TEAD2: variants seen among roughly 807,000 people sequenced by gnomAD.
TEAD2 encodes the protein transcriptional enhancer factor TEF-4.
TEAD2 carries 51 observed loss-of-function variants against 61.4 expected under a neutral mutation model. The ratio of observed to expected loss-of-function variants is 0.83; its 90% CI spans 0.66 to 1.05. The LOEUF (loss-of-function observed/expected upper bound fraction) is 1.05. Ranked by LOEUF, TEAD2 falls within the 50% of genes least tolerant of loss-of-function variation. The pLI, the probability that TEAD2 is intolerant of heterozygous loss-of-function variation, is 0.00. For synonymous variants in TEAD2, 244 were observed against 243.2 expected (o/e 1.00, Z -0.03); for missense variants, 509 against 600.0 (o/e 0.85, Z 1.58).
intron 4 of TEAD2, among the ~76,000 whole-genome samples, chr19:49,357,008 C>G (rs1568577372): frequency 6.6e-6 from 1 of 151,568 alleles, no homozygotes; most frequent in Admixed American, 6.6e-5. Flanking sequence ...CTGTCCCTCT[C>G]TCTCTGGGTC....
Position 49,340,773 on chromosome 19 carries a change from G to T in TEAD2, c.*551C>A. ...CCTAGCACCCACTTATAAATATCTC[G>T]TTATATTAAAAAAAAAAAAAATGTC... On this transcript the variant is annotated 3_prime_UTR_variant, in exon 13 of 13. Transcript: ENST00000593945. The T allele has an allele frequency of 5.4e-6, 1 of 185,650 alleles. No individual in the cohort carries two copies. Among genetic ancestry groups the T allele is most frequent in the Non-Finnish European group, 1.1e-5 (1 of 92,066 alleles). 11.5% of individuals were successfully genotyped at this position (185,650 alleles called of 1,614,324 possible).
chr19:49,360,432 G>T, intron 1 of TEAD2: 1 of 316,904 alleles, frequency 3.2e-6, no homozygotes, highest in Non-Finnish European at 5.8e-6. Flanking sequence ...GTCTGAGGGA[G>T]GAGAAGGAGC....
rs141816524 is a variant in TEAD2 at position 49,347,307 on chromosome 19, C to T, written c.804G>A (p.Pro268=). Residue 268 remains proline, a synonymous_variant, in exon 10 of 13, where the codon CCG becomes CCA. Transcript: ENST00000593945. ...ISQHCPSPGA[P]PLESVDVRQI... is the part of the protein sequence containing the mutation. ...GCCGGACGTCCACACTCTCGAGCGG[C>T]GGCGCTCCGGGGCTGGGGCAGTGCT... 58 of 1,613,520 alleles carry T rather than the reference C, an allele frequency of 3.6e-5. No homozygotes were observed. The African/African-American group carries it at 4.8e-4, about 13-fold the overall frequency.
At chr19:49,344,343 C>T (rs990929263) in intron 10 of TEAD2, among the ~76,000 whole-genome samples, 3 of 151,638 alleles carry the variant, frequency 2.0e-5, no homozygotes, top group Non-Finnish European at 4.4e-5. Flanking sequence ...TGCAATGCCG[C>T]GATCTTGACT....
chr19:49,344,769 T>G (rs953148582), intron 10 of TEAD2, among the ~76,000 whole-genome samples: 5 of 152,152 alleles, frequency 3.3e-5, no homozygotes. Context: ...TGAGGAGGCC[T>G]GACTCCTCCT....
chr19:49,355,486 G>A, intron 5 of TEAD2, 67 bp from the exon 6 acceptor site: 1 of 1,386,480 alleles, frequency 7.2e-7, no homozygotes, highest in Non-Finnish European at 1.0e-6. Context: ...GGGGGATGGT[G>A]CCAGGGTGGG....
intron 8 of TEAD2, 185 bp from the exon 9 acceptor site, chr19:49,349,030 GC>G (rs1160846141): frequency 1.7e-6 from 1 of 595,362 alleles, no homozygotes; most frequent in African/African-American, 1.9e-5. Flanking sequence ...GGGGAAATCT[GC>G]TGGGGGGCTT....
At position 49,341,212 on chromosome 19, in the gene TEAD2, T is replaced by A; in HGVS notation, c.*112A>T. ...GCCCCAGTTGCTTAGGCCTCTGAGG[T>A]CAACCCCTTTACATCACAGCCCTCT... On this transcript the variant is annotated 3_prime_UTR_variant, in exon 13 of 13. Coordinates refer to ENST00000593945, the MANE Select transcript of TEAD2 (RefSeq NM_001256660.2). The surrounding 1 kb of genome is among the most constrained non-coding windows in gnomAD (Gnocchi z 4.2). 1 of 967,638 alleles carries A rather than the reference T, an allele frequency of 1.0e-6. No homozygotes were observed. Among genetic ancestry groups the A allele is most frequent in the Non-Finnish European group, 1.6e-6 (1 of 627,690 alleles). 59.9% of individuals were successfully genotyped at this position (967,638 alleles called of 1,614,324 possible).
intron 3 of TEAD2, among the ~76,000 whole-genome samples, chr19:49,358,743 G>C (rs1005729143): frequency 1.5e-4 from 22 of 149,482 alleles, no homozygotes; most frequent in Non-Finnish European, 3.1e-4. Flanking sequence ...AGCGATTTTC[G>C]TGCCTCAGCC....
At chr19:49,352,240 CAT>C (rs992719039) in intron 7 of TEAD2, among the ~76,000 whole-genome samples, 7 of 152,198 alleles carry the variant, frequency 4.6e-5, no homozygotes, top group Non-Finnish European at 8.8e-5. Context: ...CCAGTGCCCA[CAT>C]GTGGCTACTG....
intron 4 of TEAD2, among the ~76,000 whole-genome samples, chr19:49,356,799 G>C (rs1441760813): frequency 6.6e-6 from 1 of 151,924 alleles, no homozygotes; most frequent in Non-Finnish European, 1.5e-5. Flanking sequence ...CCATGCCATC[G>C]CTCCCTGCCC....
intron 7 of TEAD2, among the ~76,000 whole-genome samples, chr19:49,352,532 G>T (rs754583197): frequency 3.3e-5 from 5 of 152,034 alleles, no homozygotes; most frequent in African/African-American, 1.2e-4. Context: ...AACACAGCAA[G>T]ACCCCAGCTC....
rs1411395098 is a variant in TEAD2 at position 49,341,339 on chromosome 19, G to A, written c.1341C>T (p.Arg447=). 1 of 1,613,970 alleles carries A rather than the reference G, an allele frequency of 6.2e-7. No individual in the cohort carries two copies. The highest frequency in any genetic ancestry group is 1.7e-5 in the Admixed American group (1 of 60,010). The stretch of plus-strand genomic sequence containing the variant: ...GGGTCCCCCTTCAGTCCCTGACCAG[G>A]CGGTAAATGTGATGCTGGGCCCCAC... ...SERGAQHHIY[R]LVRD The change falls in exon 13 of 13, where the codon CGC becomes CGT. Residue 447 remains arginine (R), a synonymous_variant. Transcript: ENST00000593945. This position sits in a 1 kb window ranked among gnomAD's most constrained non-coding sequence, Gnocchi z 4.2.
intron 8 of TEAD2, 43 bp downstream of exon 8, chr19:49,351,258 G>C (rs2146449812): frequency 6.4e-7 from 1 of 1,555,380 alleles, no homozygotes. Context: ...AGGGGTCGAA[G>C]AGAGAGAGGG....
chr19:49,361,467 A>G, intron 1 of TEAD2: 1 of 152,752 alleles, frequency 6.5e-6, no homozygotes, highest in Non-Finnish European at 1.5e-5. Flanking sequence ...CAGAACCACA[A>G]GCTGGGGGAC....
In TEAD2 at chr19:49,342,477, GT is replaced by G. The variant is rs1435151989; in HGVS notation, c.1202del (p.Tyr401SerfsTer2). On this transcript the variant is annotated frameshift_variant, in exon 12 of 13. Transcript: ENST00000593945. LOFTEE classifies it high-confidence loss of function. ...AGTTTTCCAGGACGCTGTTCATCAT[GT>G]ATCGCTCAGGCAGCTGCCGCAACTT... ...LHKLRQLPER[Y>X]MMNSVLENFT... The G allele has an allele frequency of 6.2e-7, 1 of 1,614,140 alleles. No homozygotes were observed. Among genetic ancestry groups the G allele is most frequent in the South Asian group, 1.1e-5 (1 of 91,084 alleles).
chr19:49,350,229 C>T lies in TEAD2; in HGVS notation c.604+1072G>A, dbSNP rs116872455. On this transcript the variant is annotated intron_variant, in intron 8 of 12. Coordinates refer to ENST00000593945, the MANE Select transcript of TEAD2 (RefSeq NM_001256660.2). Reference sequence around the variant, plus strand: ...TAATGACTGATGCCATCACTTGAGCCGCTGGATCCAGCCACGCCTGAGGCC... The same window carrying T: ...TAATGACTGATGCCATCACTTGAGCTGCTGGATCCAGCCACGCCTGAGGCC... Among the ~76,000 whole-genome samples, 100 of 152,246 alleles carry T rather than the reference C, an allele frequency of 6.6e-4. 2 individuals are homozygous for T. The East Asian group carries it at 0.015, about 22-fold the overall frequency.
At chr19:49,349,009 A>G (rs1971831405) in intron 8 of TEAD2, 164 bp from the exon 9 acceptor site, 1 of 796,562 alleles carries the variant, frequency 1.3e-6, no homozygotes, top group South Asian at 3.3e-5. Context: ...GTCCTAGCCA[A>G]TGAGACGTTA....
chr19:49,352,405 G>A (rs1242067681), intron 7 of TEAD2, among the ~76,000 whole-genome samples: 1 of 152,172 alleles, frequency 6.6e-6, no homozygotes, highest in East Asian at 1.9e-4. Context: ...TAGTGGTGAA[G>A]AGACTTAGAT....
Sources: allele counts gnomAD v4.1 joint callset (sites outside exome capture counted in the v4.1 genomes callset), GRCh38; gene constraint gnomAD v4.1.1; non-coding constraint Gnocchi (gnomAD v3.1); transcripts MANE v1.5; gene names NCBI Gene and HGNC (gene_info 2026-07-23, HGNC 2026-07-21).